KIF5C: variants seen among roughly 807,000 people sequenced by gnomAD.
KIF5C encodes kinesin heavy chain isoform 5C.
KIF5C carries 18 observed loss-of-function variants against 125.2 expected under a neutral mutation model. The ratio of observed to expected loss-of-function variants is 0.14; its 90% CI spans 0.10 to 0.21. The LOEUF is 0.21. Among genes scored for constraint, KIF5C ranks in the 10% least tolerant of loss-of-function variants. The pLI, the probability that KIF5C is intolerant of heterozygous loss-of-function variation, is 1.00. For missense variants in KIF5C, 780 were observed against 1,183.8 expected, an observed-to-expected ratio of 0.66 and a Z score of 5.01; for synonymous variants, 405 against 434.0, an observed-to-expected ratio of 0.93 and a Z score of 0.83.
At chr2:148,879,440 G>T (rs779858071) in intron 1 of KIF5C, 2 of 150,074 alleles carry the variant, frequency 1.3e-5, no homozygotes, top group Non-Finnish European at 3.0e-5. Flanking sequence ...GGCCTGGTAA[G>T]ATAGCATATA....
intron 1 of KIF5C, among the ~76,000 whole-genome samples, chr2:148,913,865 G>A (rs182038017): frequency 2.6e-5 from 4 of 152,012 alleles, no homozygotes; most frequent in African/African-American, 9.7e-5. Context: ...AGTGAAGAAG[G>A]TTTGTTTTTT....
intron 24 of KIF5C, 125 bp downstream of exon 24, chr2:149,010,476 G>A (rs1682156225): frequency 2.1e-6 from 3 of 1,428,626 alleles, no homozygotes; most frequent in Middle Eastern, 2.6e-4. Flanking sequence ...GTTGGAGCCC[G>A]CAGGACGCAG....
intron 1 of KIF5C, chr2:148,878,518 T>C (rs1681258282): frequency 6.6e-6 from 1 of 152,232 alleles, no homozygotes; most frequent in South Asian, 2.1e-4. Context: ...CATTCGTTTA[T>C]GTATATTTTG....
chr2:149,020,782 G>C (rs1262377323), intron 25 of KIF5C, among the ~76,000 whole-genome samples: 1 of 152,172 alleles, frequency 6.6e-6, no homozygotes, highest in African/African-American at 2.4e-5. Context: ...ATTCAGGCAG[G>C]CACTCCTATT....
intron 11 of KIF5C, among the ~76,000 whole-genome samples, chr2:148,963,853 C>T (rs1224198782): frequency 6.6e-6 from 1 of 152,196 alleles, no homozygotes; most frequent in Non-Finnish European, 1.5e-5. Context: ...CTCCATCCCT[C>T]ATCAAATGCC....
At chr2:149,003,246 G>A (rs970309793) in intron 21 of KIF5C, among the ~76,000 whole-genome samples, 4 of 152,250 alleles carry the variant, frequency 2.6e-5, no homozygotes, top group South Asian at 2.1e-4. Flanking sequence ...CTGTTCTGCC[G>A]CCCTCCTCAG....
chr2:148,879,863 G>A (rs758166657), intron 1 of KIF5C: 2 of 152,126 alleles, frequency 1.3e-5, no homozygotes, highest in Non-Finnish European at 2.9e-5. Flanking sequence ...TTCCTCCTGA[G>A]GGCCTAAGAG....
In KIF5C at chr2:148,875,576, C is replaced by CCCCCCCCCCCACCCCCCG; in HGVS notation, c.-37_-36insCCCCCACCCCCCGCCCCC. The CCCCCCCCCCCACCCCCCG allele has an allele frequency of 1.8e-6, 1 of 549,558 alleles. No homozygotes were observed. Among genetic ancestry groups the CCCCCCCCCCCACCCCCCG allele is most frequent in the Non-Finnish European group, 3.4e-6 (1 of 291,390 alleles). 34.0% of individuals were successfully genotyped at this position (549,558 alleles called of 1,614,324 possible). A position where few individuals can be genotyped will look rare whatever the true frequency, so the allele number is the denominator to read the frequency against. On this transcript the variant is annotated 5_prime_UTR_variant, in exon 1 of 26. Transcript: ENST00000435030. Reference sequence around the variant, plus strand: ...CCTCCCTCGTCGTTCCCGGCCCCGGCCCCCCACCCATCCCCGTGCCCCCTC... The same window carrying CCCCCCCCCCCACCCCCCG: ...CCTCCCTCGTCGTTCCCGGCCCCGGCCCCCCCCCCCACCCCCCGCCCCCACCCATCCCCGTGCCCCCTC...
Position 148,983,632 on chromosome 2 carries a change from A to G in KIF5C, c.1582A>G (p.Thr528Ala). 1 of 1,582,190 alleles carries G rather than the reference A, an allele frequency of 6.3e-7. No individual in the cohort carries two copies. The highest frequency in any genetic ancestry group is 8.6e-7 in the Non-Finnish European group (1 of 1,162,606). The change falls in exon 15 of 26, where the codon ACC becomes GCC. Residue 528 changes from threonine (T) to alanine (A), a missense_variant. By Grantham distance (58) the Thr-to-Ala change is moderately conservative (BLOSUM62 0). Coordinates refer to ENST00000435030, the MANE Select transcript of KIF5C (RefSeq NM_004522.3). ...ATTTGTTTTTCAGACTACATTGACA[A>G]CCACACAGAGAGAGCTGAGCCAGCT... is the stretch of plus-strand genomic sequence containing the variant. ...ELAQKTTTLT[T>A]TQRELSQLQE...
intron 16 of KIF5C, among the ~76,000 whole-genome samples, chr2:148,993,899 A>AGTGT (rs143164596): frequency 1.3e-5 from 2 of 151,738 alleles, no homozygotes; most frequent in Non-Finnish European, 2.9e-5. Context: ...TAGCCAAGGT[A>AGTGT]GTGTGTGTGT....
chr2:148,888,018 A>G (rs1241924781), intron 1 of KIF5C, among the ~76,000 whole-genome samples: 4 of 152,204 alleles, frequency 2.6e-5, no homozygotes, highest in African/African-American at 9.6e-5. Flanking sequence ...CGCAGCAATT[A>G]AGTACGTGCA....
chr2:148,991,395 A>G (rs1178509987), intron 16 of KIF5C, among the ~76,000 whole-genome samples, 197 bp downstream of exon 16: 2 of 152,136 alleles, frequency 1.3e-5, no homozygotes, highest in Non-Finnish European at 1.5e-5. Flanking sequence ...AATTCTGTTG[A>G]GTCCGTTCCC....
In KIF5C at chr2:148,976,780, C is replaced by T. The variant is rs115735488; in HGVS notation, c.1294-2142C>T. On this transcript the variant is annotated intron_variant, in intron 12 of 25. Coordinates refer to ENST00000435030, the MANE Select transcript of KIF5C (RefSeq NM_004522.3). ...ATGTTTTGTAGAGACGGAGATTTGC[C>T]ATGTTGCTCAGGCTGGTCTCGGACT... Among the ~76,000 whole-genome samples, 831 of 151,472 alleles carry T rather than the reference C, an allele frequency of 5.5e-3. 7 individuals are homozygous for T. Among genetic ancestry groups the T allele is most frequent in the African/African-American group, 0.019 (791 of 41,274 alleles).
chr2:149,008,143 T>C (rs1027597143), intron 23 of KIF5C, 76 bp downstream of exon 23: 40 of 1,473,258 alleles, frequency 2.7e-5, no homozygotes, highest in Middle Eastern at 3.7e-4. Context: ...TTGGCCACAG[T>C]GTGCGGAGAA....
intron 3 of KIF5C, among the ~76,000 whole-genome samples, chr2:148,930,425 G>T (rs1487382504): frequency 3.9e-5 from 6 of 152,062 alleles, no homozygotes; most frequent in Non-Finnish European, 5.9e-5. Flanking sequence ...AGGAGAGGTG[G>T]TAAGCGTGGT....
rs574220940 is a variant in KIF5C, at chr2:148,966,203, G to A, written c.1117+4084G>A. On this transcript the variant is annotated intron_variant, in intron 11 of 25. Coordinates refer to ENST00000435030, the MANE Select transcript of KIF5C (RefSeq NM_004522.3). ...GATATTTCCACATGGCAGTCTCCAC[G>A]AGTTAAAGAGGCCTTGTCAATTGTG... Among the ~76,000 whole-genome samples the A allele has an allele frequency of 2.3e-4, 35 of 152,260 alleles. 1 individual carries two copies. In the South Asian group the frequency reaches 6.6e-3, roughly 29 times the overall value.
intron 13 of KIF5C, among the ~76,000 whole-genome samples, chr2:148,979,204 T>G (rs1196041160): frequency 6.6e-6 from 1 of 152,204 alleles, no homozygotes; most frequent in Non-Finnish European, 1.5e-5. Flanking sequence ...CCTGATGTTT[T>G]GAGATTGAGT....
chr2:148,945,834 A>C (rs1164221867), intron 7 of KIF5C, among the ~76,000 whole-genome samples: 2 of 152,082 alleles, frequency 1.3e-5, no homozygotes, highest in African/African-American at 2.4e-5. Context: ...AAATTTTAGG[A>C]TGGATTTTTC....
intron 21 of KIF5C, among the ~76,000 whole-genome samples, chr2:149,005,104 G>A (rs2105192663): frequency 6.6e-6 from 1 of 152,330 alleles, no homozygotes; most frequent in South Asian, 2.1e-4. Context: ...GGAAACCTTT[G>A]AATTTTTGTG....
Sources: allele counts gnomAD v4.1 joint callset (sites outside exome capture counted in the v4.1 genomes callset), GRCh38; gene constraint gnomAD v4.1.1; transcripts MANE v1.5; gene names NCBI Gene and HGNC (gene_info 2026-07-23, HGNC 2026-07-21).